The following GABRB1 variants were observed in gnomAD, a reference collection of about 807,000 sequenced individuals.
The protein encoded by GABRB1 is gamma-aminobutyric acid type A receptor subunit beta1.
In GABRB1, 17 loss-of-function variants were observed where a neutral mutation model predicts 51.6. That is an observed-to-expected ratio of 0.33 (90% CI 0.23 to 0.49). GABRB1 has a LOEUF of 0.49. Ranked by LOEUF, GABRB1 falls within the 20% of genes least tolerant of loss-of-function variation. The pLI is 0.99. For synonymous variants in GABRB1, 247 were observed against 218.9 expected, an observed-to-expected ratio of 1.13 and a Z score of -1.14; for missense variants, 410 against 600.6, an observed-to-expected ratio of 0.68 and a Z score of 3.32.
At chr4:47,231,746 T>A (rs1274461609) in intron 4 of GABRB1, among the ~76,000 whole-genome samples, 8 of 152,198 alleles carry the variant, frequency 5.3e-5, no homozygotes, top group Non-Finnish European at 1.0e-4. Flanking sequence ...TGGGTACTCA[T>A]GCCCACTGTG....
At chr4:47,206,596 T>G (rs191721012) in intron 4 of GABRB1, among the ~76,000 whole-genome samples, 2 of 152,142 alleles carry the variant, frequency 1.3e-5, no homozygotes, top group East Asian at 3.9e-4. Context: ...TTATTTCATT[T>G]AATCTTCAGA....
At chr4:47,305,791 T>C (rs1009149762) in intron 4 of GABRB1, among the ~76,000 whole-genome samples, 3 of 152,206 alleles carry the variant, frequency 2.0e-5, no homozygotes, top group Non-Finnish European at 2.9e-5. Flanking sequence ...GATGGAGAGA[T>C]AATCTTTGTG....
At position 47,124,129 on chromosome 4, in the gene GABRB1, G is replaced by T. The variant is rs1049891236; in HGVS notation, c.241-37120G>T. Among the ~76,000 whole-genome samples, 3 of 150,016 alleles carry T rather than the reference G, an allele frequency of 2.0e-5. No individual in the cohort carries two copies. In the South Asian group the frequency reaches 6.3e-4, roughly 31 times the overall value. On this transcript the variant is annotated intron_variant, in intron 3 of 8. Coordinates refer to ENST00000295454, the MANE Select transcript of GABRB1 (RefSeq NM_000812.4). The stretch of plus-strand genomic sequence containing the variant: ...GTTGTTTAAACCAATTGTTAGAGGA[G>T]CTCATGAGGGCTTATAGATCATTTG...
At chr4:47,085,902 G>C (rs1728036499) in intron 3 of GABRB1, among the ~76,000 whole-genome samples, 1 of 152,176 alleles carries the variant, frequency 6.6e-6, no homozygotes, top group Admixed American at 6.5e-5. Context: ...GAAGCTGCCA[G>C]GCCTCTGAAG....
intron 4 of GABRB1, among the ~76,000 whole-genome samples, chr4:47,203,660 C>G (rs1005608495): frequency 6.6e-6 from 1 of 151,976 alleles, no homozygotes; most frequent in Admixed American, 6.6e-5. Context: ...TGGTGGCAAC[C>G]CTCATTTGTG....
chr4:47,245,924 T>C (rs2109855437), intron 4 of GABRB1, among the ~76,000 whole-genome samples: 1 of 151,672 alleles, frequency 6.6e-6, no homozygotes, highest in South Asian at 2.1e-4. Context: ...TCTTTTTTCT[T>C]GTTTTCCATA....
intron 3 of GABRB1, among the ~76,000 whole-genome samples, chr4:47,085,974 C>A (rs567939260): frequency 7.9e-5 from 12 of 152,294 alleles, no homozygotes; most frequent in Admixed American, 7.2e-4. Flanking sequence ...GAAATAGACT[C>A]CCACCTCTTA....
intron 4 of GABRB1, among the ~76,000 whole-genome samples, chr4:47,231,652 A>G (rs1299486001): frequency 6.6e-6 from 1 of 152,216 alleles, no homozygotes; most frequent in Non-Finnish European, 1.5e-5. Context: ...GGGGAACTAG[A>G]TTACCTTTTC....
chr4:47,395,127 A>G (rs868542965), intron 5 of GABRB1, among the ~76,000 whole-genome samples: 23 of 152,326 alleles, frequency 1.5e-4, no homozygotes, highest in African/African-American at 5.1e-4. Context: ...AATTTGGGAA[A>G]CAACTGGTGA....
chr4:47,255,228 T>A (rs1020686274), intron 4 of GABRB1, among the ~76,000 whole-genome samples: 5 of 152,190 alleles, frequency 3.3e-5, no homozygotes, highest in Non-Finnish European at 7.3e-5. Flanking sequence ...GTGAGCCCAT[T>A]TAAATAGAGT....
chr4:47,032,351 C>T, intron 2 of GABRB1, 66 bp from the exon 3 acceptor site: 1 of 1,419,910 alleles, frequency 7.0e-7, no homozygotes, highest in Non-Finnish European at 9.6e-7. Flanking sequence ...TGGGAAGCCC[C>T]CAGACCCTCC....
At chr4:47,350,346 T>C (rs1039584825) in intron 5 of GABRB1, among the ~76,000 whole-genome samples, 32 of 150,634 alleles carry the variant, frequency 2.1e-4, no homozygotes, top group Non-Finnish European at 3.4e-4. Context: ...TAAATTTATG[T>C]GTACAATTTT....
chr4:47,356,491 A>G (rs187421670), intron 5 of GABRB1, among the ~76,000 whole-genome samples: 1 of 152,302 alleles, frequency 6.6e-6, no homozygotes, highest in African/African-American at 2.4e-5. Flanking sequence ...TACTCAGTCA[A>G]TCTTGTCTGC....
At chr4:47,386,242 T>C (rs1727791363) in intron 5 of GABRB1, among the ~76,000 whole-genome samples, 1 of 152,188 alleles carries the variant, frequency 6.6e-6, no homozygotes, top group Admixed American at 6.5e-5. Flanking sequence ...AAATGAGAGA[T>C]GCTGCTGTCA....
chr4:46,995,080 T>C (rs1387969370), intron 1 of GABRB1, among the ~76,000 whole-genome samples: 1 of 152,198 alleles, frequency 6.6e-6, no homozygotes, highest in East Asian at 1.9e-4. Flanking sequence ...TAGACTGTGG[T>C]CTCTCTGAGG....
At chr4:47,047,459 A>C (rs958706418) in intron 3 of GABRB1, among the ~76,000 whole-genome samples, 1 of 152,156 alleles carries the variant, frequency 6.6e-6, no homozygotes, top group Non-Finnish European at 1.5e-5. Flanking sequence ...TAACTTGCCC[A>C]AAGTTATATA....
At chr4:47,348,304 G>A (rs1277382002) in intron 5 of GABRB1, among the ~76,000 whole-genome samples, 2 of 152,176 alleles carry the variant, frequency 1.3e-5, no homozygotes, top group Non-Finnish European at 1.5e-5. Flanking sequence ...ATAAGAAAAT[G>A]ATTGCTTGTT....
At chr4:47,116,583 TGTTAA>T (rs1391664097) in intron 3 of GABRB1, among the ~76,000 whole-genome samples, 3 of 152,186 alleles carry the variant, frequency 2.0e-5, no homozygotes, top group African/African-American at 7.2e-5. Flanking sequence ...TTAGTTTGGC[TGTTAA>T]GTTAGGTGGG....
At chr4:47,365,843 C>T (rs1426815562) in intron 5 of GABRB1, among the ~76,000 whole-genome samples, 2 of 152,196 alleles carry the variant, frequency 1.3e-5, no homozygotes, top group African/African-American at 4.8e-5. Flanking sequence ...TCTCCCTTGA[C>T]TCTTCAGGCC....
Sources: gnomAD v4.1 joint callset for allele counts (sites outside exome capture counted in the v4.1 genomes callset) on GRCh38, gnomAD v4.1.1 for gene constraint, MANE v1.5 for transcripts, NCBI Gene and HGNC (gene_info 2026-07-23, HGNC 2026-07-21) for gene names.